The following CP variants were observed in gnomAD, a reference collection of about 807,000 sequenced individuals.
CP encodes the protein caeruloplasmin.
A neutral mutation model predicts 122.4 loss-of-function variants in CP; 64 were observed. That is an observed-to-expected ratio of 0.52 (90% CI 0.43 to 0.64). The LOEUF (loss-of-function observed/expected upper bound fraction) is 0.64, where lower values mean the gene tolerates loss of function less well. Among genes scored for constraint, CP ranks in the 30% least tolerant of loss-of-function variants. CP has a pLI of 0.00. For synonymous variants in CP, 440 were observed against 436.4 expected, an observed-to-expected ratio of 1.01 and a Z score of -0.10; for missense variants, 1,167 against 1,284.4, an observed-to-expected ratio of 0.91 and a Z score of 1.40.
In CP at chr3:149,173,726, G is replaced by A. The variant is rs1223476535; in HGVS notation, c.3186C>T (p.Thr1062=). 5 of 1,436,476 alleles carry A rather than the reference G, an allele frequency of 3.5e-6. No homozygotes were observed. The Admixed American group carries it at 5.6e-5, about 16-fold the overall frequency. The allele number at this position is 1,436,476 out of a possible 1,614,324, so 89.0% of individuals were successfully genotyped here. A position where few individuals can be genotyped will look rare whatever the true frequency, so the allele number is the denominator to read the frequency against. Residue 1062 remains threonine, a synonymous_variant, in exon 19 of 19, where the codon ACC becomes ACT. Transcript: ENST00000264613. ...CAATTTATTTCATTCAGCCAGATTT[G>A]GTGTCTATAGAAAAAGAAATTTTAA... ...TTYTVLQNED[T]KSG
At chr3:149,195,003 CTT>C (rs1441126504) in intron 9 of CP, among the ~76,000 whole-genome samples, 4 of 152,090 alleles carry the variant, frequency 2.6e-5, no homozygotes, top group African/African-American at 9.7e-5. Flanking sequence ...AATAGACTCA[CTT>C]ATATATAAAT....
rs540038709 is a variant in CP at position 149,217,567 on chromosome 3, C to T, written c.146+4080G>A. On this transcript the variant is annotated intron_variant, in intron 1 of 18. Coordinates refer to ENST00000264613, the MANE Select transcript of CP (RefSeq NM_000096.4). ...TACGTTATAAAAGTTTCCTCCCTGCCCAGAGGAGCATTGACAGAACTGCTT... is the reference window on the plus strand; with the variant it reads ...TACGTTATAAAAGTTTCCTCCCTGCTCAGAGGAGCATTGACAGAACTGCTT... Among the ~76,000 whole-genome samples, 3 of 152,226 alleles carry T rather than the reference C, an allele frequency of 2.0e-5. No individual in the cohort carries two copies. The South Asian group carries it at 6.2e-4, about 32-fold the overall frequency.
chr3:149,209,444 T>C (rs1431805836), intron 3 of CP, 60 bp from the exon 4 acceptor site: 1 of 1,507,508 alleles, frequency 6.6e-7, no homozygotes, highest in African/African-American at 1.4e-5. Context: ...TTGATTTATG[T>C]TTTCAGGTGA....
chr3:149,201,157 T>TA (rs1559951590), intron 7 of CP, among the ~76,000 whole-genome samples: 1 of 152,140 alleles, frequency 6.6e-6, no homozygotes, highest in Non-Finnish European at 1.5e-5. Context: ...GGAGTCTCGC[T>TA]CTGTCACCCA....
intron 9 of CP, among the ~76,000 whole-genome samples, chr3:149,188,576 A>G (rs1041069865): frequency 6.7e-6 from 1 of 150,052 alleles, no homozygotes; most frequent in Non-Finnish European, 1.5e-5. Context: ...TTTCACATTC[A>G]TGAAAACCGG....
At chr3:149,167,325 C>A in intron 4 of CP, 1 of 1,027,454 alleles carries the variant, frequency 9.7e-7, no homozygotes, top group Non-Finnish European at 1.5e-6. Flanking sequence ...AAAATGGGGA[C>A]AATTTATGCT....
chr3:149,179,196 T>A (rs967599703), intron 15 of CP, among the ~76,000 whole-genome samples: 6 of 152,094 alleles, frequency 3.9e-5, no homozygotes, highest in Admixed American at 1.3e-4. Context: ...TACAACGGCC[T>A]CCCAACCTCC....
intron 1 of CP, among the ~76,000 whole-genome samples, chr3:149,218,260 A>G (rs1728590398): frequency 6.6e-6 from 1 of 152,132 alleles, no homozygotes; most frequent in Non-Finnish European, 1.5e-5. Context: ...AGAACACACT[A>G]TTGTGTTTAC....
Position 149,206,181 on chromosome 3 carries a change from T to C in CP, c.1195A>G (p.Thr399Ala). ...GIDIFTKENL[T>A]APGSDSAVFF... ...TTTGTAAATTACCTTCCAGGTGCTG[T>C]TAAGTTTTCTTTAGTGAAGATGTCT... Residue 399 changes from threonine to alanine, a missense_variant, in exon 6 of 19, where the codon ACA (threonine) becomes GCA (alanine). By Grantham distance (58) the Thr-to-Ala change is moderately conservative (BLOSUM62 0). Transcript: ENST00000264613. 1.2e-6 allele frequency: 2 copies of C among 1,613,926 alleles called. No homozygotes were observed. The highest frequency in any genetic ancestry group is 1.7e-6 in the Non-Finnish European group (2 of 1,179,814).
chr3:149,181,985 A>ACCCCCAC lies in CP; in HGVS notation c.2554+19_2554+20insGTGGGGG. On this transcript the variant is annotated intron_variant, in intron 14 of 18. Transcript: ENST00000264613. The stretch of plus-strand genomic sequence containing the variant: ...CAGCCTGTTAAAATGCACCACCCCC[A>ACCCCCAC]CCCCCGCCCCCGTGAGTACCTGGTA... The ACCCCCAC allele has an allele frequency of 2.5e-6, 1 of 402,782 alleles. No individual in the cohort carries two copies. Among genetic ancestry groups the ACCCCCAC allele is most frequent in the Non-Finnish European group, 4.6e-6 (1 of 217,524 alleles). The allele number at this position is 402,782 out of a possible 1,614,324, so 25.0% of individuals were successfully genotyped here. A position where few individuals can be genotyped will look rare whatever the true frequency, so the allele number is the denominator to read the frequency against.
chr3:149,167,168 A>G, intron 4 of CP: 1 of 1,613,330 alleles, frequency 6.2e-7, no homozygotes, highest in East Asian at 2.2e-5. Flanking sequence ...AACAGTGCAT[A>G]GACATACTGT....
downstream of CP, chr3:149,168,238 A>G (rs1724625867): frequency 2.3e-6 from 1 of 432,486 alleles, no homozygotes; most frequent in Non-Finnish European, 4.2e-6. Context: ...ATAGAAAATG[A>G]CAGCATCAGT....
intron 14 of CP, 25 bp downstream of exon 14, chr3:149,181,980 C>CT: frequency 7.8e-6 from 4 of 515,888 alleles, no homozygotes; most frequent in Non-Finnish European, 1.1e-5. Context: ...AAATGCACCA[C>CT]CCCCACCCCC....
intron 5 of CP, among the ~76,000 whole-genome samples, chr3:149,165,181 A>T (rs1165044336): frequency 6.6e-6 from 1 of 152,198 alleles, no homozygotes; most frequent in African/African-American, 2.4e-5. Flanking sequence ...TTGCTTGAGC[A>T]TGTGCTGTAG....
At chr3:149,172,037 AAG>A, downstream of CP, 1 of 1,571,604 alleles carries the variant, frequency 6.4e-7, no homozygotes, top group Non-Finnish European at 8.7e-7. Flanking sequence ...GTTAAGTAAG[AAG>A]AGATTGAATG....
intron 18 of CP, among the ~76,000 whole-genome samples, chr3:149,175,745 T>G (rs1246705336): frequency 1.3e-5 from 2 of 151,614 alleles, no homozygotes; most frequent in African/African-American, 4.9e-5. Flanking sequence ...ATTTAAATTT[T>G]GTTTCTTCCC....
chr3:149,184,025 C>CTTTTTTTTTTTTTTTTTTTTTTTTTTTTT, intron 12 of CP, among the ~76,000 whole-genome samples: 1 of 66,306 alleles, frequency 1.5e-5, no homozygotes, highest in African/African-American at 4.7e-5. Context: ...TTTTCACTTA[C>CTTTTTTTTTTTTTTTTTTTTTTTTTTTTT]TTCTTTTTTT....
Position 149,209,331 on chromosome 3 carries a change from ACAT to A in CP, c.658_660del (p.Met220del). The A allele has an allele frequency of 6.2e-7, 1 of 1,613,690 alleles. No individual in the cohort carries two copies. Among genetic ancestry groups the A allele is most frequent in the Non-Finnish European group, 8.5e-7 (1 of 1,179,730 alleles). The stretch of plus-strand genomic sequence containing the variant: ...CTGAAATTTTCATCCACCACAGAAA[ACAT>A]CACCACAAATTCTCGGTCAATATGT... On this transcript the variant is annotated inframe_deletion, in exon 4 of 19. Transcript: ENST00000264613.
chr3:149,172,431 C>G, downstream of CP: 1 of 478,956 alleles, frequency 2.1e-6, no homozygotes, highest in Non-Finnish European at 3.8e-6. Flanking sequence ...TTTATGACCT[C>G]AATCAATTTA....
Sources: allele counts gnomAD v4.1 joint callset (sites outside exome capture counted in the v4.1 genomes callset), GRCh38; gene constraint gnomAD v4.1.1; transcripts MANE v1.5; gene names NCBI Gene and HGNC (gene_info 2026-07-23, HGNC 2026-07-21).